The following GALNTL6 variants were observed in gnomAD, a reference collection of about 807,000 sequenced individuals.
GALNTL6 encodes polypeptide N-acetylgalactosaminyltransferase like 6.
Under a neutral mutation model 73.7 loss-of-function variants are expected in GALNTL6, and 46 were observed. The observed-to-expected ratio is 0.62, with a 90% CI of 0.49 to 0.80. The LOEUF is 0.80. GALNTL6 is among the 30% of genes least tolerant of loss of function. The probability of loss-of-function intolerance (pLI) is 0.00; values close to 1 mark genes in which losing one functional copy is unlikely to be tolerated. For synonymous variants in GALNTL6, 259 were observed against 263.7 expected (o/e 0.98, Z 0.17); for missense variants, 604 against 755.0 (o/e 0.80, Z 2.34).
intron 5 of GALNTL6, among the ~76,000 whole-genome samples, chr4:172,432,414 A>G (rs1468960555): frequency 1.3e-5 from 2 of 151,974 alleles, no homozygotes; most frequent in African/African-American, 2.4e-5. Flanking sequence ...TGAGCAGAAT[A>G]AAAAAGAATA....
At chr4:172,058,806 TTTAC>T (rs1278799713) in intron 2 of GALNTL6, among the ~76,000 whole-genome samples, 2 of 152,298 alleles carry the variant, frequency 1.3e-5, no homozygotes, top group African/African-American at 4.8e-5. Context: ...CAGAACCTAC[TTTAC>T]TTTTCTGCAT....
intron 5 of GALNTL6, among the ~76,000 whole-genome samples, chr4:172,788,189 A>G (rs1446160190): frequency 2.8e-5 from 1 of 35,696 alleles, no homozygotes; most frequent in African/African-American, 6.3e-5. Flanking sequence ...CTACAAAAAA[A>G]CAAACAAACA....
rs1490928915 is a variant in GALNTL6 at position 172,865,296 on chromosome 4, C to G, written c.924-17494C>G. Among the ~76,000 whole-genome samples the G allele has an allele frequency of 2.6e-5, 4 of 152,200 alleles. No individual in the cohort carries two copies. The South Asian group carries it at 6.2e-4, about 24-fold the overall frequency. ...CACTGCACTATTTGATCCAGAGGAA[C>G]TGGGGTGATGACATCAAGATAAACG... On this transcript the variant is annotated intron_variant, in intron 7 of 12. Transcript: ENST00000506823.
chr4:172,032,772 T>C (rs1181520944), intron 2 of GALNTL6, among the ~76,000 whole-genome samples: 2 of 152,024 alleles, frequency 1.3e-5, no homozygotes, highest in African/African-American at 4.8e-5. Context: ...ATAGATTAAA[T>C]TTTTACCAGC....
chr4:172,256,012 T>C (rs1738063079), intron 3 of GALNTL6, among the ~76,000 whole-genome samples: 1 of 151,562 alleles, frequency 6.6e-6, no homozygotes, highest in Non-Finnish European at 1.5e-5. Flanking sequence ...CGCATATTTG[T>C]GAAATATTTT....
intron 4 of GALNTL6, among the ~76,000 whole-genome samples, chr4:172,323,387 A>G (rs1740826319): frequency 6.6e-6 from 1 of 152,166 alleles, no homozygotes; most frequent in African/African-American, 2.4e-5. Context: ...CCAGCCACTG[A>G]AAATTGAATA....
intron 2 of GALNTL6, among the ~76,000 whole-genome samples, chr4:172,178,639 T>A (rs1299418060): frequency 1.3e-5 from 2 of 149,556 alleles, no homozygotes. Flanking sequence ...ATGGTGTATA[T>A]GTGACACATT....
At chr4:172,731,794 C>A (rs555458295) in intron 5 of GALNTL6, among the ~76,000 whole-genome samples, 2 of 151,872 alleles carry the variant, frequency 1.3e-5, no homozygotes, top group Admixed American at 6.5e-5. Flanking sequence ...TTTTATTGAC[C>A]CATTGGTCAT....
At chr4:172,716,039 A>G (rs1415131682) in intron 5 of GALNTL6, among the ~76,000 whole-genome samples, 1 of 152,220 alleles carries the variant, frequency 6.6e-6, no homozygotes, top group Non-Finnish European at 1.5e-5. Context: ...CCACAACTGT[A>G]GCAATTTGGC....
At chr4:172,298,170 A>C (rs1739758253) in intron 3 of GALNTL6, among the ~76,000 whole-genome samples, 1 of 152,148 alleles carries the variant, frequency 6.6e-6, no homozygotes, top group African/African-American at 2.4e-5. Context: ...TTATTGGTGT[A>C]TAAGAATGCT....
chr4:172,408,233 A>ATCCAT (rs1425947573), intron 5 of GALNTL6, among the ~76,000 whole-genome samples: 2 of 152,024 alleles, frequency 1.3e-5, no homozygotes, highest in Admixed American at 1.3e-4. Flanking sequence ...TATATACAGA[A>ATCCAT]TCCATTCGAG....
intron 5 of GALNTL6, among the ~76,000 whole-genome samples, chr4:172,779,662 T>C (rs1739271754): frequency 6.6e-6 from 1 of 152,224 alleles, no homozygotes; most frequent in African/African-American, 2.4e-5. Flanking sequence ...ATGGTTACTG[T>C]AGACAGACTC....
At chr4:172,744,058 A>C (rs1736956537) in intron 5 of GALNTL6, among the ~76,000 whole-genome samples, 1 of 152,102 alleles carries the variant, frequency 6.6e-6, no homozygotes, top group African/African-American at 2.4e-5. Flanking sequence ...CCTTCCTGTA[A>C]TCATGATCCT....
intron 9 of GALNTL6, among the ~76,000 whole-genome samples, chr4:172,938,169 T>C (rs983703833): frequency 1.3e-5 from 2 of 152,192 alleles, no homozygotes; most frequent in Non-Finnish European, 2.9e-5. Context: ...CTTCTTTATA[T>C]ACTTCCCAAG....
rs1262639541 is a variant in GALNTL6 at position 172,450,467 on chromosome 4, AT to A, written c.553+101779del. On this transcript the variant is annotated intron_variant, in intron 5 of 12. Coordinates refer to ENST00000506823, the MANE Select transcript of GALNTL6 (RefSeq NM_001034845.3). ...TCTTTCACTGAACTGCTGTAACAGC[AT>A]CACAATTTAATTCCTTTCCTCTATT... 2.0e-5 allele frequency among the ~76,000 whole-genome samples: 3 copies of A among 152,356 alleles called. No homozygotes were observed. The East Asian group carries it at 5.8e-4, about 29-fold the overall frequency.
chr4:172,172,689 T>A (rs1295136123), intron 2 of GALNTL6, among the ~76,000 whole-genome samples: 2 of 152,112 alleles, frequency 1.3e-5, no homozygotes, highest in African/African-American at 4.8e-5. Flanking sequence ...TATAGTACTT[T>A]CTTACAGCAC....
chr4:172,614,168 A>G (rs909031227), intron 5 of GALNTL6, among the ~76,000 whole-genome samples: 8 of 151,894 alleles, frequency 5.3e-5, no homozygotes, highest in Non-Finnish European at 1.5e-5. Context: ...TCATCTATCT[A>G]TCTCTATCCC....
chr4:172,341,846 T>C (rs1741578192), intron 4 of GALNTL6, among the ~76,000 whole-genome samples: 1 of 152,146 alleles, frequency 6.6e-6, no homozygotes, highest in Non-Finnish European at 1.5e-5. Context: ...ATCAGCACCA[T>C]GAAAACAGAC....
chr4:172,031,462 T>A (rs926027598), intron 2 of GALNTL6, among the ~76,000 whole-genome samples: 2 of 152,142 alleles, frequency 1.3e-5, no homozygotes, highest in African/African-American at 4.8e-5. Context: ...TGTATAATTG[T>A]ATATATGTGA....
Sources: gnomAD v4.1 joint callset for allele counts (sites outside exome capture counted in the v4.1 genomes callset) on GRCh38, gnomAD v4.1.1 for gene constraint, MANE v1.5 for transcripts, NCBI Gene and HGNC (gene_info 2026-07-23, HGNC 2026-07-21) for gene names.